The following MICOS10 variants were observed in gnomAD, a reference collection of about 807,000 sequenced individuals.
The protein encoded by MICOS10 is MICOS complex subunit MIC10.
In MICOS10, 5 loss-of-function variants were observed where a neutral mutation model predicts 13.4. The observed-to-expected ratio is 0.37, with a 90% CI of 0.20 to 0.78. The LOEUF (loss-of-function observed/expected upper bound fraction) is 0.78, where lower values mean the gene tolerates loss of function less well. Among genes scored for constraint, MICOS10 ranks in the 30% least tolerant of loss-of-function variants. The pLI is 0.47. For missense variants in MICOS10, 101 were observed against 94.6 expected (o/e 1.07, Z -0.28); for synonymous variants, 35 against 33.6 (o/e 1.04, Z -0.15).
At chr1:19,604,254 C>T (rs1278535994) in intron 1 of MICOS10, among the ~76,000 whole-genome samples, 1 of 152,092 alleles carries the variant, frequency 6.6e-6, no homozygotes, top group Non-Finnish European at 1.5e-5. Context: ...TGCCTATAGT[C>T]CCAACACTTT....
intron 1 of MICOS10, among the ~76,000 whole-genome samples, chr1:19,621,829 A>G (rs1021006623): frequency 4.6e-5 from 7 of 152,132 alleles, no homozygotes; most frequent in South Asian, 2.1e-4. Context: ...GGTCCACTCT[A>G]GAACAGTCTC....
At chr1:19,608,511 C>T (rs377011513) in intron 1 of MICOS10, 1 of 1,099,804 alleles carries the variant, frequency 9.1e-7, no homozygotes, top group Non-Finnish European at 1.4e-6. Context: ...GAGGACGTCA[C>T]CCCCATCCCC....
At position 19,597,031 on chromosome 1, in the gene MICOS10, G is replaced by A. The variant is rs746206079; in HGVS notation, c.-15G>A. On this transcript the variant is annotated 5_prime_UTR_variant, in exon 1 of 4. Transcript: ENST00000322753. ...GGGCCGGCCGAGAGGAAAGCTGGAG[G>A]CGCGGGTGGGGAACATGTCTGAGTC... 2 of 1,580,058 alleles carry A rather than the reference G, an allele frequency of 1.3e-6. No homozygotes were observed. Among genetic ancestry groups the A allele is most frequent in the Admixed American group, 1.9e-5 (1 of 52,650 alleles).
intron 1 of MICOS10, among the ~76,000 whole-genome samples, chr1:19,611,538 A>G (rs1451922669): frequency 4.9e-5 from 7 of 142,760 alleles, no homozygotes; most frequent in Admixed American, 2.1e-4. Flanking sequence ...CCGTGGCACA[A>G]TCACATCTCA....
At chr1:19,621,593 T>A (rs1332092095) in intron 1 of MICOS10, among the ~76,000 whole-genome samples, 1 of 152,204 alleles carries the variant, frequency 6.6e-6, no homozygotes, top group East Asian at 1.9e-4. Context: ...GAGGGCCGTC[T>A]TTTTCCTCTG....
At chr1:19,617,308 T>A in intron 1 of MICOS10, 1 of 984,974 alleles carries the variant, frequency 1.0e-6, no homozygotes, top group East Asian at 1.1e-4. Context: ...TGTTCCAGCC[T>A]CTGTCTAGTC....
intron 1 of MICOS10, chr1:19,608,624 TA>T (rs138778783): frequency 4.3e-6 from 3 of 705,314 alleles, no homozygotes; most frequent in Non-Finnish European, 7.6e-6. Flanking sequence ...AAAAAATAAA[TA>T]AAAAAAGTGA....
At chr1:19,606,598 T>C (rs145671235) in intron 1 of MICOS10, among the ~76,000 whole-genome samples, 11,947 of 151,938 alleles carry the variant, frequency 0.079, 642 homozygotes, top group Non-Finnish European at 0.11. Flanking sequence ...ATATAAAAAT[T>C]GGCTGAGTGT....
chr1:19,599,400 T>C lies in MICOS10; in HGVS notation c.64+2291T>C, dbSNP rs74056905. 5.9e-3 allele frequency among the ~76,000 whole-genome samples: 895 copies of C among 152,328 alleles called. 7 individuals are homozygous for C. Among genetic ancestry groups the C allele is most frequent in the African/African-American group, 0.021 (861 of 41,564 alleles). ...TATTATTGTGCTACTGAAGACCACG[T>C]GAGGCAGTGAATAGTGTCACTCTGT... On this transcript the variant is annotated intron_variant, in intron 1 of 3. Coordinates refer to ENST00000322753, the MANE Select transcript of MICOS10 (RefSeq NM_001032363.4).
chr1:19,600,959 C>G, intron 1 of MICOS10: 3 of 1,289,362 alleles, frequency 2.3e-6, no homozygotes, highest in Non-Finnish European at 3.0e-6. Context: ...ATGGTGAATG[C>G]ACAGCAACTT....
intron 1 of MICOS10, among the ~76,000 whole-genome samples, chr1:19,612,735 G>A (rs1423240465): frequency 2.0e-5 from 3 of 152,148 alleles, no homozygotes; most frequent in Non-Finnish European, 4.4e-5. Context: ...TGTCAGCTGG[G>A]TGGTGCTTCC....
At position 19,597,020 on chromosome 1, in the gene MICOS10, G is replaced by A. The variant is rs1553307375; in HGVS notation, c.-26G>A. The A allele has an allele frequency of 1.6e-5, 25 of 1,575,096 alleles. No individual in the cohort carries two copies. In the South Asian group the frequency reaches 1.9e-4, roughly 12 times the overall value. On this transcript the variant is annotated 5_prime_UTR_variant, in exon 1 of 4. Transcript: ENST00000322753. ...TCGGAGCGCGGGGGCCGGCCGAGAG[G>A]AAAGCTGGAGGCGCGGGTGGGGAAC...
At chr1:19,625,650 T>C in intron 3 of MICOS10, 1 of 1,282,508 alleles carries the variant, frequency 7.8e-7, no homozygotes, top group Non-Finnish European at 1.0e-6. Context: ...GCTTAAAACA[T>C]TTCCATTGTT....
At chr1:19,608,354 G>T (rs2094843746) in intron 1 of MICOS10, 6 of 1,281,524 alleles carry the variant, frequency 4.7e-6, no homozygotes, top group Non-Finnish European at 6.8e-6. Context: ...CACCCAGGAT[G>T]TGGCCCAGAG....
At chr1:19,603,982 C>T (rs187574550) in intron 1 of MICOS10, among the ~76,000 whole-genome samples, 12 of 152,282 alleles carry the variant, frequency 7.9e-5, no homozygotes. Flanking sequence ...TGGACATTTA[C>T]AAGGAGCCCC....
At chr1:19,604,656 A>T (rs1244253796) in intron 1 of MICOS10, among the ~76,000 whole-genome samples, 1 of 152,198 alleles carries the variant, frequency 6.6e-6, no homozygotes, top group Non-Finnish European at 1.5e-5. Context: ...GATAATCAAT[A>T]TTCATGTTTA....
In MICOS10 at chr1:19,601,079, C is replaced by T. The variant is rs935565203; in HGVS notation, c.64+3970C>T. On this transcript the variant is annotated intron_variant, in intron 1 of 3. Transcript: ENST00000322753. Reference sequence around the variant, plus strand: ...CTGTACGATGACTATTATAATCACTCGTGTTTAGCATAGGTGTTGTATAGC... The same window carrying T: ...CTGTACGATGACTATTATAATCACTTGTGTTTAGCATAGGTGTTGTATAGC... 33 of 1,161,746 alleles carry T rather than the reference C, an allele frequency of 2.8e-5. No individual in the cohort carries two copies. In the African/African-American group the frequency reaches 3.0e-4, roughly 11 times the overall value. The allele number at this position is 1,161,746 out of a possible 1,614,324, so 72.0% of individuals were successfully genotyped here. A position where few individuals can be genotyped will look rare whatever the true frequency, so the allele number is the denominator to read the frequency against.
chr1:19,608,856 T>C (rs2094846442), intron 1 of MICOS10, among the ~76,000 whole-genome samples: 1 of 151,974 alleles, frequency 6.6e-6, no homozygotes, highest in East Asian at 1.9e-4. Context: ...CATAAAGATC[T>C]CTTAATTTTA....
At chr1:19,602,696 C>T (rs1220399075) in intron 1 of MICOS10, among the ~76,000 whole-genome samples, 2 of 152,146 alleles carry the variant, frequency 1.3e-5, no homozygotes, top group African/African-American at 4.8e-5. Context: ...ATTAAATGCT[C>T]TGGCTTTCTT....
Sources: allele counts gnomAD v4.1 joint callset (sites outside exome capture counted in the v4.1 genomes callset), GRCh38; gene constraint gnomAD v4.1.1; transcripts MANE v1.5; gene names NCBI Gene and HGNC (gene_info 2026-07-23, HGNC 2026-07-21).